The following B3GALNT2 variants were observed in gnomAD, a reference collection of about 807,000 sequenced individuals.
The protein encoded by B3GALNT2 is UDP-GalNAc:beta-1,3-N-acetylgalactosaminyltransferase 2.
B3GALNT2 carries 53 observed loss-of-function variants against 61.1 expected under a neutral mutation model. The observed-to-expected ratio is 0.87, with a 90% CI of 0.70 to 1.09. The LOEUF (loss-of-function observed/expected upper bound fraction) is 1.09. Ranked by LOEUF, B3GALNT2 falls within the 50% of genes least tolerant of loss-of-function variation. B3GALNT2 has a pLI of 0.00. For synonymous variants in B3GALNT2, 223 were observed against 237.4 expected, an observed-to-expected ratio of 0.94 and a Z score of 0.56; for missense variants, 544 against 623.0, an observed-to-expected ratio of 0.87 and a Z score of 1.35.
At chr1:235,486,601 A>AAAGAT (rs1489411638) in intron 3 of B3GALNT2, among the ~76,000 whole-genome samples, 4 of 152,194 alleles carry the variant, frequency 2.6e-5, no homozygotes, top group Admixed American at 6.6e-5. Context: ...GGATCATCGA[A>AAAGAT]AAGATAAGAT....
In B3GALNT2 at chr1:235,455,561, T is replaced by C; in HGVS notation, c.1149A>G (p.Gly383=). The change falls in exon 9 of 12, where the codon GGA becomes GGG. Residue 383 remains glycine, a splice_region_variant and synonymous_variant. Coordinates refer to ENST00000366600, the MANE Select transcript of B3GALNT2 (RefSeq NM_152490.5). ...TGGGCTAAGAATGGTTAACTTACTT[T>C]CCCCACCAAAAATTAGGCCCATCCA... ...KNLDGPNFWW[G]NFRLNWAVDR... 2 of 1,612,692 alleles carry C rather than the reference T, an allele frequency of 1.2e-6. No homozygotes were observed. The highest frequency in any genetic ancestry group is 1.7e-6 in the Non-Finnish European group (2 of 1,178,720).
At chr1:235,491,954 C>G (rs757153049) in intron 2 of B3GALNT2, among the ~76,000 whole-genome samples, 1 of 152,126 alleles carries the variant, frequency 6.6e-6, no homozygotes, top group Non-Finnish European at 1.5e-5. Context: ...TCAAACACCC[C>G]GGGCTATTTT....
At chr1:235,462,659 AGAAGT>A (rs1446235869) in intron 7 of B3GALNT2, among the ~76,000 whole-genome samples, 2 of 152,252 alleles carry the variant, frequency 1.3e-5, no homozygotes, top group African/African-American at 4.8e-5. Flanking sequence ...ATTTAACAAA[AGAAGT>A]GCAAGACTTT....
chr1:235,488,727 G>T (rs546980162), intron 3 of B3GALNT2, among the ~76,000 whole-genome samples: 32 of 109,724 alleles, frequency 2.9e-4, no homozygotes, highest in Admixed American at 2.2e-3. Context: ...AAAAAGATGA[G>T]ACATAAATTT....
rs1242986190 is a variant in B3GALNT2, at chr1:235,454,295, A to G, written c.1172T>C (p.Val391Ala). 1.2e-6 allele frequency: 2 copies of G among 1,613,044 alleles called. No individual in the cohort carries two copies. The highest frequency in any genetic ancestry group is 1.7e-6 in the Non-Finnish European group (2 of 1,179,308). ...WWGNFRLNWA[V>A]DRTGKWQELE... is the part of the protein sequence containing the mutation. ...CTCCTGCCACTTTCCGGTTCGGTCA[A>G]CTGCCCAATTCAGTCTGAAACTGAG... The change falls in exon 10 of 12, where the codon GTT becomes GCT. Residue 391 changes from valine to alanine, a missense_variant. By Grantham distance (64) the Val-to-Ala change is moderately conservative. Coordinates refer to ENST00000366600, the MANE Select transcript of B3GALNT2 (RefSeq NM_152490.5).
rs113896413 is a variant in B3GALNT2, at chr1:235,448,085, A to G, written c.*2121T>C. 0.022 allele frequency among the ~76,000 whole-genome samples: 3,370 copies of G among 152,172 alleles called. 58 individuals are homozygous for G. Among genetic ancestry groups the G allele is most frequent in the Non-Finnish European group, 0.032 (2,181 of 67,978 alleles). ...TTAGCTGGGTGTGGTGATGGGCACC[A>G]GCTACTCAGGAGGCTGAGGCAGGAG... On this transcript the variant is annotated 3_prime_UTR_variant, in exon 12 of 12. Transcript: ENST00000366600.
chr1:235,467,310 C>T (rs1204722866), intron 6 of B3GALNT2, among the ~76,000 whole-genome samples: 1 of 151,948 alleles, frequency 6.6e-6, no homozygotes, highest in African/African-American at 2.4e-5. Flanking sequence ...GACTGTGCCA[C>T]TGTACTCCAG....
chr1:235,465,486 C>T (rs1572502923), intron 7 of B3GALNT2, 150 bp downstream of exon 7: 7 of 1,215,652 alleles, frequency 5.8e-6, no homozygotes, highest in East Asian at 2.7e-5. Context: ...TCTAAGAATA[C>T]ACTAAAACCA....
chr1:235,469,719 AT>A (rs34811873), intron 6 of B3GALNT2, among the ~76,000 whole-genome samples: 254 of 142,306 alleles, frequency 1.8e-3, no homozygotes, highest in Admixed American at 1.8e-3. Context: ...GGCCCAGCTA[AT>A]TTTTTTTTTT....
intron 1 of B3GALNT2, among the ~76,000 whole-genome samples, chr1:235,497,302 C>T (rs1257011650): frequency 6.6e-6 from 1 of 152,146 alleles, no homozygotes; most frequent in Non-Finnish European, 1.5e-5. Context: ...TAGTGACCAG[C>T]CAGTTCTGAC....
chr1:235,447,736 T>C lies in B3GALNT2; in HGVS notation c.*2470A>G, dbSNP rs1174983147. 6.6e-6 allele frequency among the ~76,000 whole-genome samples: 1 copy of C among 152,204 alleles called. No homozygotes were observed. The highest frequency in any genetic ancestry group is 1.5e-5 in the Non-Finnish European group (1 of 68,032). ...ACTCGCTCCCTTTATTCTTCTGTGC[T>C]GAGAGTATCATTCTGGTTTATTCAG... On this transcript the variant is annotated 3_prime_UTR_variant, in exon 12 of 12. Coordinates refer to ENST00000366600, the MANE Select transcript of B3GALNT2 (RefSeq NM_152490.5).
chr1:235,495,620 C>T (rs902781559), intron 1 of B3GALNT2, among the ~76,000 whole-genome samples: 7 of 151,990 alleles, frequency 4.6e-5, no homozygotes, highest in African/African-American at 1.7e-4. Context: ...GGCAGGGTTA[C>T]ATTTCCATGT....
chr1:235,446,618 A>T (rs1682333132), downstream of B3GALNT2, among the ~76,000 whole-genome samples: 1 of 152,126 alleles, frequency 6.6e-6, no homozygotes, highest in Admixed American at 6.6e-5. Context: ...CAGTCATGTT[A>T]CTATATTAAA....
the B3GALNT2 span, among the ~76,000 whole-genome samples, chr1:235,440,390 G>GTA: frequency 8.3e-3 from 1,254 of 151,804 alleles, 14 homozygotes; most frequent in African/African-American, 0.029. Context: ...TGAGGCATCC[G>GTA]TATATATATA....
At chr1:235,464,253 A>T (rs572716536) in intron 7 of B3GALNT2, 15 of 152,338 alleles carry the variant, frequency 9.8e-5, no homozygotes, top group African/African-American at 3.6e-4. Context: ...TTTGTGTGTT[A>T]AAGGGCACCA....
At chr1:235,481,139 C>T (rs1292274890) in intron 4 of B3GALNT2, among the ~76,000 whole-genome samples, 2 of 152,138 alleles carry the variant, frequency 1.3e-5, no homozygotes, top group African/African-American at 4.8e-5. Context: ...TTCATGAACA[C>T]CAGTTCTTAG....
intron 7 of B3GALNT2, among the ~76,000 whole-genome samples, chr1:235,461,016 T>C (rs940203486): frequency 6.6e-6 from 1 of 152,250 alleles, no homozygotes; most frequent in Non-Finnish European, 1.5e-5. Flanking sequence ...AAGGCAATTC[T>C]TTCGCTGTGG....
chr1:235,496,734 T>C (rs1685343453), intron 1 of B3GALNT2, among the ~76,000 whole-genome samples: 1 of 152,004 alleles, frequency 6.6e-6, no homozygotes, highest in African/African-American at 2.4e-5. Context: ...TTAGTAGAGA[T>C]GGAGTTTCAC....
downstream of B3GALNT2, among the ~76,000 whole-genome samples, chr1:235,444,486 A>G (rs977346025): frequency 6.6e-6 from 1 of 152,148 alleles, no homozygotes; most frequent in African/African-American, 2.4e-5. Context: ...AGGCTCCATC[A>G]CCTTGATCCC....
Sources: allele counts gnomAD v4.1 joint callset (sites outside exome capture counted in the v4.1 genomes callset), GRCh38; gene constraint gnomAD v4.1.1; transcripts MANE v1.5; gene names NCBI Gene and HGNC (gene_info 2026-07-23, HGNC 2026-07-21).